The following IGFN1 variants were observed in gnomAD, a reference collection of about 807,000 sequenced individuals.
The protein encoded by IGFN1 is immunoglobulin-like and fibronectin type III domain-containing protein 1.
A neutral mutation model predicts 289.5 loss-of-function variants in IGFN1; 253 were observed. The ratio of observed to expected loss-of-function variants is 0.87; its 90% CI spans 0.79 to 0.97. The LOEUF is 0.97. IGFN1 is among the 50% of genes least tolerant of loss of function. The pLI is 0.00. For synonymous variants in IGFN1, 1,706 were observed against 1,788.5 expected (o/e 0.95, Z 1.16); for missense variants, 4,470 against 4,686.1 (o/e 0.95, Z 1.35).
Position 201,218,998 on chromosome 1 carries a change from A to C in IGFN1, c.9898+340A>C, listed in dbSNP as rs555642856. 9.9e-5 allele frequency among the ~76,000 whole-genome samples: 15 copies of C among 151,964 alleles called. No individual in the cohort carries two copies. In the East Asian group the frequency reaches 2.9e-3, roughly 29 times the overall value. The stretch of plus-strand genomic sequence containing the variant: ...GGCTGCAGTGAACTATGATTGCACC[A>C]CTGCACTCCAGCCTGCATGACAGAG... On this transcript the variant is annotated intron_variant, in intron 18 of 23. Transcript: ENST00000335211.
chr1:201,217,552 C>T (rs1321869878), intron 17 of IGFN1, 92 bp downstream of exon 17: 35 of 1,354,172 alleles, frequency 2.6e-5, no homozygotes, highest in East Asian at 4.7e-5. Flanking sequence ...TTAATACAGT[C>T]GTTCTCGTCT....
Position 201,207,478 on chromosome 1 carries a change from G to A in IGFN1, c.2585G>A (p.Ser862Asn), listed in dbSNP as rs938825467. 2.6e-6 allele frequency: 4 copies of A among 1,531,760 alleles called. No homozygotes were observed. The highest frequency in any genetic ancestry group is 3.5e-6 in the Non-Finnish European group (4 of 1,144,006). 94.9% of individuals were successfully genotyped at this position (1,531,760 alleles called of 1,614,324 possible). ...AHHGPGVLGP[S>N]GGQEGMGGIW... Reference sequence around the variant, plus strand: ...CATGGGCCTGGAGTGCTGGGGCCCAGTGGAGGACAAGAGGGTATGGGTGGT... The same window carrying A: ...CATGGGCCTGGAGTGCTGGGGCCCAATGGAGGACAAGAGGGTATGGGTGGT... Residue 862 changes from serine (S) to asparagine (N), a missense_variant, in exon 12 of 24, where the codon AGT becomes AAT. By Grantham distance (46) the Ser-to-Asn change is conservative. Transcript: ENST00000335211.
intron 8 of IGFN1, 115 bp downstream of exon 8, chr1:201,200,526 A>G (rs1264747390): frequency 1.2e-6 from 1 of 808,168 alleles, no homozygotes; most frequent in Non-Finnish European, 2.0e-6. Flanking sequence ...AAGTATGATC[A>G]AGGGGCCTGT....
rs544658612 is a variant in IGFN1, at chr1:201,223,668, C to G, written c.10290+841C>G. On this transcript the variant is annotated intron_variant, in intron 20 of 23. Transcript: ENST00000335211. ...GATTACAAGTGTGAGCCACTGTGCC[C>G]AGCCAGAACAAATATCTTAACATCT... 3.3e-5 allele frequency among the ~76,000 whole-genome samples: 5 copies of G among 152,286 alleles called. No individual in the cohort carries two copies. In the South Asian group the frequency reaches 1.0e-3, roughly 32 times the overall value.
Position 201,218,542 on chromosome 1 carries a change from C to A in IGFN1, c.9782C>A (p.Thr3261Lys). 4 of 1,612,674 alleles carry A rather than the reference C, an allele frequency of 2.5e-6. No homozygotes were observed. Among genetic ancestry groups the A allele is most frequent in the Non-Finnish European group, 3.4e-6 (4 of 1,179,540 alleles). ...NDQPVPERRW[T>K]VADVRQGCQY... ...GGGCTGTTCACAGAGAGGAGGTGGA[C>A]GGTGGCGGACGTGCGGCAGGGCTGT... The change falls in exon 18 of 24, where the codon ACG becomes AAG. Residue 3261 changes from threonine to lysine, a missense_variant. This residue lies in a region of IGFN1 where 2,218 missense variants were observed against 2,114.1 expected (regional missense o/e 1.05). Coordinates refer to ENST00000335211, the MANE Select transcript of IGFN1 (RefSeq NM_001164586.2).
rs1279412138 is a variant in IGFN1, at chr1:201,213,055, G to C, written c.8162G>C (p.Trp2721Ser). The change falls in exon 12 of 24, where the codon TGG becomes TCG. Residue 2721 changes from tryptophan to serine, a missense_variant. Physicochemically the swap from Trp to Ser is radical, Grantham distance 177. This residue lies in a region of IGFN1 where 2,218 missense variants were observed against 2,114.1 expected (regional missense o/e 1.05). Coordinates refer to ENST00000335211, the MANE Select transcript of IGFN1 (RefSeq NM_001164586.2). ...CTGGGCAAGGGGAATTCTACTGAGT[G>C]GGGGAATGCCCTCACCCCAAAACCT... Reference protein sequence around the residue: ...GILGKGNSTEWGNALTPKPGE... With the variant: ...GILGKGNSTESGNALTPKPGE... 37 of 1,551,622 alleles carry C rather than the reference G, an allele frequency of 2.4e-5. 1 individual carries two copies. In the East Asian group the frequency reaches 5.4e-4, roughly 23 times the overall value.
intron 11 of IGFN1, among the ~76,000 whole-genome samples, chr1:201,205,858 C>T (rs567425315): frequency 3.3e-5 from 5 of 152,294 alleles, no homozygotes; most frequent in South Asian, 4.1e-4. Context: ...GGGTGGCCTG[C>T]GGGTATAGGA....
At chr1:201,224,205 C>G (rs1043858867) in intron 20 of IGFN1, among the ~76,000 whole-genome samples, 2 of 152,190 alleles carry the variant, frequency 1.3e-5, no homozygotes, top group African/African-American at 2.4e-5. Context: ...CCGCAATCTT[C>G]CTCCTAGACT....
intron 18 of IGFN1, among the ~76,000 whole-genome samples, chr1:201,220,536 G>C (rs1653663699): frequency 6.6e-6 from 1 of 152,184 alleles, no homozygotes; most frequent in Non-Finnish European, 1.5e-5. Context: ...GATAAGCAGT[G>C]TCTAACAGTA....
At chr1:201,222,605 C>A (rs528506276) in intron 19 of IGFN1, 134 bp from the exon 20 acceptor site, 26 of 595,486 alleles carry the variant, frequency 4.4e-5, no homozygotes, top group Middle Eastern at 4.1e-4. Context: ...CCTTTAGAGG[C>A]CCCAGTATGT....
chr1:201,194,475 G>A (rs75327835), intron 3 of IGFN1, among the ~76,000 whole-genome samples: 3,726 of 152,326 alleles, frequency 0.024, 65 homozygotes, highest in Non-Finnish European at 0.039. Flanking sequence ...GAAAAGAGTG[G>A]ATAAAGAGAG....
intron 3 of IGFN1, among the ~76,000 whole-genome samples, chr1:201,195,012 A>G (rs1478499369): frequency 6.6e-6 from 1 of 152,136 alleles, no homozygotes; most frequent in Admixed American, 6.6e-5. Context: ...CATGACAGGC[A>G]TGGAGCATGG....
rs761729609 is a variant in IGFN1 at position 201,225,874 on chromosome 1, A to G, written c.10537A>G (p.Thr3513Ala). The G allele has an allele frequency of 6.2e-7, 1 of 1,612,966 alleles. No homozygotes were observed. Residue 3513 changes from threonine to alanine, a missense_variant, in exon 22 of 24, where the codon ACG becomes GCG. Coordinates refer to ENST00000335211, the MANE Select transcript of IGFN1 (RefSeq NM_001164586.2). ...PIHLQENVPG[T>A]VTAEWEPSPD... is the part of the protein sequence containing the mutation. The stretch of plus-strand genomic sequence containing the variant: ...CCACCTGCAGGAGAACGTGCCTGGG[A>G]CGGTGACGGCCGAGTGGGAACCCTC...
chr1:201,195,738 A>G, intron 3 of IGFN1, 101 bp from the exon 4 acceptor site: 3 of 1,288,024 alleles, frequency 2.3e-6, no homozygotes, highest in Non-Finnish European at 3.1e-6. Context: ...GGCAGTTGAA[A>G]TACCTAGATG....
chr1:201,221,671 G>T lies in IGFN1; in HGVS notation c.10126G>T (p.Val3376Leu), dbSNP rs1329785673. 6.2e-7 allele frequency: 1 copy of T among 1,614,068 alleles called. No homozygotes were observed. The highest frequency in any genetic ancestry group is 1.1e-5 in the South Asian group (1 of 91,066). The change falls in exon 19 of 24, where the codon GTG (valine) becomes TTG (leucine). Residue 3376 changes from valine (V) to leucine (L), a missense_variant. Coordinates refer to ENST00000335211, the MANE Select transcript of IGFN1 (RefSeq NM_001164586.2). ...GCCTGGAGAGGGCTACTTCGTGCGG[G>T]TGACAGCAGTTAATGAAGGAGGCCA... ...LRPGEGYFVR[V>L]TAVNEGGQSQ...
At chr1:201,218,704 A>T in intron 18 of IGFN1, 46 bp downstream of exon 18, 1 of 1,566,076 alleles carries the variant, frequency 6.4e-7, no homozygotes. Flanking sequence ...TGAGCATGGG[A>T]TAGCCCTGAA....
rs992218786 is a variant in IGFN1 at position 201,208,950 on chromosome 1, G to A, written c.4057G>A (p.Gly1353Ser). 9 of 1,535,810 alleles carry A rather than the reference G, an allele frequency of 5.9e-6. No homozygotes were observed. The highest frequency in any genetic ancestry group is 7.0e-6 in the Non-Finnish European group (8 of 1,146,432). ...TGGTTTACAGGATTCCAGGGAAGCG[G>A]GTTCAGGGAGCAAGGCAGATTATAG... ...RGGLQDSREA[G>S]SGSKADYSGG... Residue 1353 changes from glycine (G) to serine (S), a missense_variant, in exon 12 of 24, where the codon GGT becomes AGT. By Grantham distance (56) the Gly-to-Ser change is moderately conservative. Around this residue, in one of 8 missense-constraint regions of IGFN1, gnomAD observed 2,011 missense variants for 1,953.4 expected, o/e 1.03. Transcript: ENST00000335211.
rs772952382 is a variant in IGFN1 at position 201,217,420 on chromosome 1, G to C, written c.9729G>C (p.Gly3243=). 1.4e-5 allele frequency: 23 copies of C among 1,614,196 alleles called. No homozygotes were observed. The South Asian group carries it at 2.5e-4, about 18-fold the overall frequency. ...LGYLIERRKK[G]SNTWTAVNDQ... ...ACCTGATCGAGAGGCGTAAGAAGGG[G>C]AGCAACACCTGGACGGCAGTGAACG... is the stretch of plus-strand genomic sequence containing the variant. Residue 3243 remains glycine (G), a synonymous_variant, in exon 17 of 24, where the codon GGG becomes GGC. Coordinates refer to ENST00000335211, the MANE Select transcript of IGFN1 (RefSeq NM_001164586.2).
chr1:201,210,634 G>A lies in IGFN1; in HGVS notation c.5741G>A (p.Ser1914Asn). Reference protein sequence around the residue: ...SKAGFRDGLGSSVEMGSVNEA... With the variant: ...SKAGFRDGLGNSVEMGSVNEA... ...GCAGGTTTTAGGGATGGTTTAGGGA[G>A]TTCTGTAGAAATGGGGTCAGTGAAT... Residue 1914 changes from serine to asparagine, a missense_variant, in exon 12 of 24, where the codon AGT (serine) becomes AAT (asparagine). Ser to Asn is a conservative substitution (Grantham distance 46). Transcript: ENST00000335211. 3 of 1,469,072 alleles carry A rather than the reference G, an allele frequency of 2.0e-6. No homozygotes were observed. The highest frequency in any genetic ancestry group is 2.7e-6 in the Non-Finnish European group (3 of 1,110,496). 91.0% of individuals were successfully genotyped at this position (1,469,072 alleles called of 1,614,324 possible). A position where few individuals can be genotyped will look rare whatever the true frequency, so the allele number is the denominator to read the frequency against.
Sources: gnomAD v4.1 joint callset for allele counts (sites outside exome capture counted in the v4.1 genomes callset) on GRCh38, gnomAD v4.1.1 for gene constraint, gnomAD v4.1.1 regional missense constraint, MANE v1.5 for transcripts, NCBI Gene and HGNC (gene_info 2026-07-23, HGNC 2026-07-21) for gene names.